ADAMTSL1: variants seen among roughly 807,000 people sequenced by gnomAD.
ADAMTSL1 encodes ADAMTS like 1.
In ADAMTSL1, 126 loss-of-function variants were observed where a neutral mutation model predicts 201.8. The observed-to-expected ratio is 0.62, with a 90% confidence interval of 0.54 to 0.72. ADAMTSL1 has a LOEUF of 0.72. Among genes scored for constraint, ADAMTSL1 ranks in the 30% least tolerant of loss-of-function variants. The pLI is 0.00. For missense variants in ADAMTSL1, 2,679 were observed against 2,277.8 expected (o/e 1.18, Z -3.59); for synonymous variants, 1,121 against 903.4 (o/e 1.24, Z -4.32).
chr9:18,110,110 T>C (rs1271032754), intron 1 of ADAMTSL1, among the ~76,000 whole-genome samples: 2 of 152,198 alleles, frequency 1.3e-5, no homozygotes, highest in African/African-American at 2.4e-5. Flanking sequence ...TCTTTCCTCT[T>C]TCCCTAGAGA....
chr9:18,799,636 A>G (rs1344254628), intron 20 of ADAMTSL1, among the ~76,000 whole-genome samples: 1 of 152,184 alleles, frequency 6.6e-6, no homozygotes, highest in Non-Finnish European at 1.5e-5. Context: ...GAATAAGATG[A>G]GGGCTGAGGG....
intron 2 of ADAMTSL1, among the ~76,000 whole-genome samples, chr9:18,263,916 A>C (rs1832023090): frequency 1.3e-5 from 2 of 152,022 alleles, no homozygotes; most frequent in African/African-American, 4.8e-5. Flanking sequence ...GAACTGTGAC[A>C]AAAAAAATGT....
chr9:18,195,518 C>T (rs893704869), intron 2 of ADAMTSL1, among the ~76,000 whole-genome samples: 3 of 152,128 alleles, frequency 2.0e-5, no homozygotes, highest in Non-Finnish European at 4.4e-5. Context: ...TCTGACTCCA[C>T]GTCTCATGCT....
intron 14 of ADAMTSL1, chr9:18,718,103 G>A (rs889170180): frequency 1.7e-5 from 22 of 1,284,506 alleles, no homozygotes; most frequent in Non-Finnish European, 2.4e-5. Context: ...ATCTAAGAAT[G>A]CACAGTTGTT....
intron 1 of ADAMTSL1, among the ~76,000 whole-genome samples, chr9:17,966,328 A>G (rs1817977012): frequency 1.3e-5 from 2 of 152,172 alleles, no homozygotes; most frequent in South Asian, 2.1e-4. Context: ...ACTGTAAAAT[A>G]AAACAAGTAC....
chr9:18,507,713 C>G (rs545892595), intron 2 of ADAMTSL1, among the ~76,000 whole-genome samples: 20 of 152,266 alleles, frequency 1.3e-4, no homozygotes, highest in African/African-American at 3.4e-4. Flanking sequence ...CTACAAACCC[C>G]CTACCCCACG....
At chr9:18,824,501 G>A (rs556169837) in intron 21 of ADAMTSL1, among the ~76,000 whole-genome samples, 90 of 152,176 alleles carry the variant, frequency 5.9e-4, no homozygotes, top group African/African-American at 1.9e-3. Context: ...TCAAGGACAC[G>A]TAACAGATAC....
At chr9:18,379,079 C>T (rs1010123081) in intron 2 of ADAMTSL1, among the ~76,000 whole-genome samples, 3 of 152,174 alleles carry the variant, frequency 2.0e-5, no homozygotes, top group Non-Finnish European at 4.4e-5. Flanking sequence ...GAGGCAGTGT[C>T]ATCTTCTGAA....
intron 2 of ADAMTSL1, among the ~76,000 whole-genome samples, chr9:18,336,968 T>C (rs1467927924): frequency 6.6e-6 from 1 of 152,172 alleles, no homozygotes; most frequent in Non-Finnish European, 1.5e-5. Flanking sequence ...AGTTGTCTTT[T>C]GAATTAATGC....
intron 15 of ADAMTSL1, among the ~76,000 whole-genome samples, chr9:18,746,815 T>C (rs1819175532): frequency 6.7e-6 from 1 of 149,802 alleles, no homozygotes; most frequent in Non-Finnish European, 1.5e-5. Flanking sequence ...GTATAGCTAA[T>C]ACAAACACAA....
chr9:18,590,480 G>A (rs1823837409), intron 4 of ADAMTSL1, among the ~76,000 whole-genome samples: 1 of 151,528 alleles, frequency 6.6e-6, no homozygotes, highest in Non-Finnish European at 1.5e-5. Context: ...TCGTTTTGTT[G>A]ACCTTTTGTA....
rs530605676 is a variant in ADAMTSL1, at chr9:18,023,206, C to A, written c.87+116284C>A. Among the ~76,000 whole-genome samples, 22 of 152,128 alleles carry A rather than the reference C, an allele frequency of 1.4e-4. No homozygotes were observed. In the East Asian group the frequency reaches 3.9e-3, roughly 27 times the overall value. On this transcript the variant is annotated intron_variant, in intron 1 of 29. Coordinates refer to the ADAMTSL1 transcript ENST00000680146. Reference sequence around the variant, plus strand: ...CTAGAACAATGACTCAAATTGTGGGCTGCATTAGAATCACCTGAAGGGCTT... The same window carrying A: ...CTAGAACAATGACTCAAATTGTGGGATGCATTAGAATCACCTGAAGGGCTT...
chr9:18,690,511 CAATG>C (rs1831147769), intron 13 of ADAMTSL1, among the ~76,000 whole-genome samples: 1 of 152,078 alleles, frequency 6.6e-6, no homozygotes, highest in Non-Finnish European at 1.5e-5. Context: ...AGAAAAGTAA[CAATG>C]AATATCTTGT....
intron 23 of ADAMTSL1, among the ~76,000 whole-genome samples, chr9:18,833,654 T>C (rs1327471292): frequency 6.6e-6 from 1 of 152,226 alleles, no homozygotes; most frequent in East Asian, 1.9e-4. Context: ...TTGTGTTTCC[T>C]CTGTTGATAG....
At chr9:18,230,343 G>T (rs1408600132) in intron 2 of ADAMTSL1, among the ~76,000 whole-genome samples, 1 of 152,118 alleles carries the variant, frequency 6.6e-6, no homozygotes, top group African/African-American at 2.4e-5. Context: ...AAGTTTTAGG[G>T]AATTCTGGAC....
intron 24 of ADAMTSL1, 92 bp downstream of exon 24, chr9:18,888,135 C>G: frequency 7.5e-7 from 1 of 1,336,590 alleles, no homozygotes. Context: ...GATTTCTGAT[C>G]TCCAGTGGTA....
intron 13 of ADAMTSL1, chr9:18,685,077 G>A (rs1458898452): frequency 2.3e-6 from 2 of 876,136 alleles, no homozygotes; most frequent in African/African-American, 3.5e-5. Flanking sequence ...TCTGCGCAAG[G>A]GGCCAAAGGT....
upstream of ADAMTSL1, among the ~76,000 whole-genome samples, chr9:18,473,169 A>T (rs149939463): frequency 8.5e-3 from 1,293 of 152,302 alleles, 8 homozygotes; most frequent in African/African-American, 0.019. Flanking sequence ...CTGCATTATA[A>T]CAGCTCTGAT....
At chr9:18,206,917 C>T (rs1829671150) in intron 2 of ADAMTSL1, among the ~76,000 whole-genome samples, 1 of 152,088 alleles carries the variant, frequency 6.6e-6, no homozygotes, top group African/African-American at 2.4e-5. Context: ...CTAATCCCAG[C>T]ACTTTGAGAG....
Sources: allele counts gnomAD v4.1 joint callset (sites outside exome capture counted in the v4.1 genomes callset), GRCh38; gene constraint gnomAD v4.1.1; transcripts MANE v1.5; gene names NCBI Gene and HGNC (gene_info 2026-07-23, HGNC 2026-07-21).